Variants in CTDP1 observed in about 807,000 individuals in gnomAD.
CTDP1 encodes the protein RNA polymerase II subunit A C-terminal domain phosphatase.
A neutral mutation model predicts 91.8 loss-of-function variants in CTDP1; 47 were observed. The ratio of observed to expected loss-of-function variants is 0.51; its 90% CI spans 0.41 to 0.65. The LOEUF (loss-of-function observed/expected upper bound fraction) is 0.65, where lower values mean the gene tolerates loss of function less well. CTDP1 is among the 30% of genes least tolerant of loss of function. The pLI is 0.00. For synonymous variants in CTDP1, 656 were observed against 598.5 expected, an observed-to-expected ratio of 1.10 and a Z score of -1.40; for missense variants, 1,272 against 1,373.7, an observed-to-expected ratio of 0.93 and a Z score of 1.17.
At chr18:79,721,317 G>A (rs1030728332) in intron 10 of CTDP1, among the ~76,000 whole-genome samples, 1 of 152,146 alleles carries the variant, frequency 6.6e-6, no homozygotes, top group Non-Finnish European at 1.5e-5. Context: ...GGACACTTCT[G>A]AGAACAGCAG....
chr18:79,718,046 CTAA>C, intron 10 of CTDP1, 30 bp downstream of exon 10: 1 of 1,609,478 alleles, frequency 6.2e-7, no homozygotes, highest in Non-Finnish European at 8.5e-7. Flanking sequence ...CTGTCCCCAG[CTAA>C]TGAGGGCTCT....
chr18:79,678,553 T>C (rs2085283707), upstream of CTDP1: 2 of 152,136 alleles, frequency 1.3e-5, no homozygotes, highest in African/African-American at 4.8e-5. Flanking sequence ...AAATAAACTC[T>C]CTACTTAGAG....
At position 79,714,744 on chromosome 18, in the gene CTDP1, C is replaced by A; in HGVS notation, c.1284C>A (p.Ser428=). Residue 428 remains serine, a synonymous_variant, in exon 8 of 13, where the codon TCC becomes TCA. Coordinates refer to ENST00000613122, the MANE Select transcript of CTDP1 (RefSeq NM_004715.5). ...CAGGCGCTCCTGAGCCCCAGGGATC[C>A]TGTGCGCAGGGTGGCCGGGTGGCAC... ...ELAGAPEPQG[S]CAQGGRVAPG... 1 of 1,602,002 alleles carries A rather than the reference C, an allele frequency of 6.2e-7. No individual in the cohort carries two copies. Among genetic ancestry groups the A allele is most frequent in the Non-Finnish European group, 8.5e-7 (1 of 1,175,052 alleles).
intron 12 of CTDP1, among the ~76,000 whole-genome samples, chr18:79,749,253 C>A (rs999141895): frequency 2.0e-5 from 3 of 152,164 alleles, no homozygotes; most frequent in African/African-American, 7.2e-5. Flanking sequence ...CGCCCTCCCC[C>A]TCCTCTCCCT....
At chr18:79,749,286 G>A (rs2086944731) in intron 12 of CTDP1, among the ~76,000 whole-genome samples, 1 of 151,976 alleles carries the variant, frequency 6.6e-6, no homozygotes, top group Non-Finnish European at 1.5e-5. Flanking sequence ...GTCCCGCCTG[G>A]CTCTCGTCTG....
chr18:79,747,926 C>T (rs935761169), intron 12 of CTDP1, among the ~76,000 whole-genome samples: 10 of 152,182 alleles, frequency 6.6e-5, no homozygotes, highest in Non-Finnish European at 5.9e-5. Flanking sequence ...AAATCGTGTG[C>T]ACTGTGACAG....
intron 12 of CTDP1, among the ~76,000 whole-genome samples, chr18:79,741,993 A>G (rs968839845): frequency 2.0e-5 from 3 of 152,212 alleles, no homozygotes; most frequent in Non-Finnish European, 4.4e-5. Context: ...GATGAACACA[A>G]AGATCTTTAC....
intron 8 of CTDP1, 113 bp from the exon 9 acceptor site, chr18:79,717,422 C>T: frequency 6.7e-7 from 1 of 1,484,656 alleles, no homozygotes; most frequent in Admixed American, 1.7e-5. Context: ...GAGTGAGGGC[C>T]CTGAGCCCTG....
intron 12 of CTDP1, among the ~76,000 whole-genome samples, chr18:79,747,345 T>C (rs1030503503): frequency 5.3e-5 from 8 of 152,168 alleles, no homozygotes; most frequent in Admixed American, 2.0e-4. Flanking sequence ...AGCATGACAA[T>C]GTTCACACCC....
intron 11 of CTDP1, among the ~76,000 whole-genome samples, chr18:79,731,289 AGT>A (rs2086561253): frequency 2.0e-5 from 3 of 152,154 alleles, no homozygotes. Context: ...CCGGCGCGTC[AGT>A]GTGTTAGGTG....
intron 1 of CTDP1, 113 bp from the exon 2 acceptor site, chr18:79,695,112 C>A: frequency 2.2e-6 from 2 of 923,754 alleles, no homozygotes; most frequent in Non-Finnish European, 3.5e-6. Flanking sequence ...CAAAGTTATG[C>A]AAGGGTTAGT....
chr18:79,745,264 C>A (rs200050447), intron 12 of CTDP1, among the ~76,000 whole-genome samples: 1 of 134,582 alleles, frequency 7.4e-6, no homozygotes, highest in Non-Finnish European at 1.6e-5. Flanking sequence ...TCTGTCCCTG[C>A]GTCCCTCCCG....
Position 79,680,131 on chromosome 18 carries a change from G to A in CTDP1, c.184G>A (p.Gly62Arg), listed in dbSNP as rs1432097887. Residue 62 changes from glycine to arginine, a missense_variant, in exon 1 of 13, where the codon GGG becomes AGG. Coordinates refer to ENST00000613122, the MANE Select transcript of CTDP1 (RefSeq NM_004715.5). ...GGCCGCCGCCTCCGCGCAGTCCTCC[G>A]GGGCCTCTCAGTCCCGTGTAGCCTC... ...FEAAASAQSS[G>R]ASQSRVASGG... 7 of 1,430,508 alleles carry A rather than the reference G, an allele frequency of 4.9e-6. No individual in the cohort carries two copies. The Admixed American group carries it at 1.0e-4, about 21-fold the overall frequency. 88.6% of individuals were successfully genotyped at this position (1,430,508 alleles called of 1,614,324 possible). A position where few individuals can be genotyped will look rare whatever the true frequency, so the allele number is the denominator to read the frequency against.
chr18:79,735,904 C>T (rs1391916148), intron 11 of CTDP1: 3 of 201,914 alleles, frequency 1.5e-5, no homozygotes, highest in Admixed American at 1.1e-4. Context: ...CCCTGTGGCA[C>T]GGCCACGTCT....
downstream of CTDP1, chr18:79,755,320 G>A (rs1279481148): frequency 6.6e-6 from 1 of 152,176 alleles, no homozygotes; most frequent in Non-Finnish European, 1.5e-5. Context: ...TCTGCAGTCT[G>A]AGGAGGCTGC....
chr18:79,694,877 A>G (rs1458325210), intron 1 of CTDP1, among the ~76,000 whole-genome samples: 1 of 152,252 alleles, frequency 6.6e-6, no homozygotes, highest in East Asian at 1.9e-4. Context: ...TCTAACGGAA[A>G]TGTCAGAGGA....
At chr18:79,739,019 C>T (rs1039797675) in intron 12 of CTDP1, among the ~76,000 whole-genome samples, 3 of 152,200 alleles carry the variant, frequency 2.0e-5, no homozygotes, top group Non-Finnish European at 4.4e-5. Context: ...GGGGTCAGGC[C>T]TGGGGAAGGC....
chr18:79,682,227 C>A lies in CTDP1; in HGVS notation c.314+1966C>A, dbSNP rs2085387876. 2.0e-5 allele frequency among the ~76,000 whole-genome samples: 3 copies of A among 152,300 alleles called. No homozygotes were observed. In the South Asian group the frequency reaches 6.2e-4, roughly 32 times the overall value. The stretch of plus-strand genomic sequence containing the variant: ...GGCTCTGGGGGGCTGCCGTTGGGAG[C>A]CGGTATGTGTTGGCCTCCCCAAAAT... On this transcript the variant is annotated intron_variant, in intron 1 of 12. Transcript: ENST00000613122.
In CTDP1 at chr18:79,680,232, C is replaced by T. The variant is rs887043576; in HGVS notation, c.285C>T (p.Cys95=). ...GCGCGGGCGTGGTGCGGGAGCTGTG[C>T]GCGCAGCCGGGCCAGGTGGTCGCCC... is the stretch of plus-strand genomic sequence containing the variant. ...SERAGVVREL[C]AQPGQVVAPG... Residue 95 remains cysteine, a synonymous_variant, in exon 1 of 13, where the codon TGC becomes TGT. Transcript: ENST00000613122. 5.3e-6 allele frequency: 7 copies of T among 1,319,680 alleles called. No individual in the cohort carries two copies. The African/African-American group carries it at 6.2e-5, about 12-fold the overall frequency. The allele number at this position is 1,319,680 out of a possible 1,614,324, so 81.7% of individuals were successfully genotyped here.
Sources: gnomAD v4.1 joint callset for allele counts (sites outside exome capture counted in the v4.1 genomes callset) on GRCh38, gnomAD v4.1.1 for gene constraint, MANE v1.5 for transcripts, NCBI Gene and HGNC (gene_info 2026-07-23, HGNC 2026-07-21) for gene names.